The following BRD10 variants were observed in gnomAD, a reference collection of about 807,000 sequenced individuals.
BRD10 encodes the protein uncharacterized bromodomain-containing protein 10.
chr9:5,935,591 A>C, the BRD10 span, among the ~76,000 whole-genome samples: 1 of 152,234 alleles, frequency 6.6e-6, no homozygotes. Context: ...CAACAAACTG[A>C]TGATATTTTA....
the BRD10 span, among the ~76,000 whole-genome samples, chr9:5,940,954 GT>G: frequency 2.0e-5 from 3 of 152,058 alleles, no homozygotes; most frequent in East Asian, 3.9e-4. Flanking sequence ...CCCAGAAGAG[GT>G]TTTTTTCCTT....
chr9:6,000,671 T>C, the BRD10 span, among the ~76,000 whole-genome samples: 1 of 127,968 alleles, frequency 7.8e-6, no homozygotes, highest in Non-Finnish European at 2.0e-5. Context: ...TTTTAAATAA[T>C]AGTCTGTAAG....
At chr9:5,887,905 T>C in the BRD10 span, among the ~76,000 whole-genome samples, 1 of 152,228 alleles carries the variant, frequency 6.6e-6, no homozygotes, top group African/African-American at 2.4e-5. Flanking sequence ...AGATAGGCTC[T>C]CCCTGGCTTG....
chr9:5,945,120 T>C, the BRD10 span, among the ~76,000 whole-genome samples: 2 of 152,136 alleles, frequency 1.3e-5, no homozygotes, highest in South Asian at 4.1e-4. Flanking sequence ...AAAATATATT[T>C]ACTTGCTATG....
At chr9:5,964,619 C>A in the BRD10 span, among the ~76,000 whole-genome samples, 13 of 140,130 alleles carry the variant, frequency 9.3e-5, no homozygotes, top group Non-Finnish European at 1.7e-4. Context: ...ATGTTTATTG[C>A]GGCATTATTC....
At chr9:5,990,621 A>G in the BRD10 span, among the ~76,000 whole-genome samples, 1 of 152,242 alleles carries the variant, frequency 6.6e-6, no homozygotes, top group Non-Finnish European at 1.5e-5. Flanking sequence ...TACTCATCAG[A>G]AATTAAAATT....
At chr9:5,915,085 T>C in the BRD10 span, among the ~76,000 whole-genome samples, 6 of 152,326 alleles carry the variant, frequency 3.9e-5, no homozygotes, top group Admixed American at 2.6e-4. Context: ...GGTAACACTT[T>C]GTTCATGATA....
the BRD10 span, among the ~76,000 whole-genome samples, chr9:5,923,787 T>G: frequency 6.6e-6 from 1 of 152,222 alleles, no homozygotes; most frequent in South Asian, 2.1e-4. Flanking sequence ...TTCATCCTTA[T>G]AGTGAAAAAA....
At chr9:5,979,682 G>C in the BRD10 span, among the ~76,000 whole-genome samples, 2 of 152,042 alleles carry the variant, frequency 1.3e-5, no homozygotes, top group Non-Finnish European at 2.9e-5. Context: ...TACTTGAGGA[G>C]AACCAATTGC....
the BRD10 span, among the ~76,000 whole-genome samples, chr9:5,956,833 T>C: frequency 1.1e-4 from 16 of 152,270 alleles, no homozygotes; most frequent in East Asian, 3.1e-3. Flanking sequence ...ATCCTTACTA[T>C]ACTGTAAATT....
chr9:5,975,656 A>C, the BRD10 span, among the ~76,000 whole-genome samples: 1 of 152,182 alleles, frequency 6.6e-6, no homozygotes, highest in Admixed American at 6.5e-5. Flanking sequence ...AGAAAAGATT[A>C]GTGAACTTGA....
chr9:5,884,938 C>T, the BRD10 span, among the ~76,000 whole-genome samples: 10 of 152,136 alleles, frequency 6.6e-5, no homozygotes, highest in South Asian at 6.2e-4. Context: ...TAATAGAGCC[C>T]GGGAACTGAT....
the BRD10 span, among the ~76,000 whole-genome samples, chr9:5,885,170 G>A: frequency 6.6e-6 from 1 of 152,100 alleles, no homozygotes; most frequent in East Asian, 1.9e-4. Flanking sequence ...CTCACCATCA[G>A]AACCTCTCTG....
chr9:5,898,534 T>C, the BRD10 span, among the ~76,000 whole-genome samples: 1 of 152,196 alleles, frequency 6.6e-6, no homozygotes, highest in Non-Finnish European at 1.5e-5. Context: ...ATTCAAACTA[T>C]AGCACCTGTC....
At chr9:5,966,099 A>G in the BRD10 span, among the ~76,000 whole-genome samples, 3 of 152,332 alleles carry the variant, frequency 2.0e-5, no homozygotes, top group South Asian at 6.2e-4. Flanking sequence ...ATTTGCTCTG[A>G]GAATAAAATA....
chr9:5,917,095 T>C, the BRD10 span, among the ~76,000 whole-genome samples: 2 of 152,224 alleles, frequency 1.3e-5, no homozygotes, highest in East Asian at 3.8e-4. Flanking sequence ...ACTCAACAAA[T>C]ATACATTGAA....
the BRD10 span, among the ~76,000 whole-genome samples, chr9:5,911,986 ATGTT>A: frequency 6.6e-6 from 1 of 152,198 alleles, no homozygotes; most frequent in Non-Finnish European, 1.5e-5. Context: ...GGTAGCATGG[ATGTT>A]TTAACAATAA....
chr9:5,989,023 G>C, the BRD10 span, among the ~76,000 whole-genome samples: 1 of 151,994 alleles, frequency 6.6e-6, no homozygotes, highest in Non-Finnish European at 1.5e-5. Flanking sequence ...CTGAGGTCAG[G>C]AGTTTGAGAC....
chr9:5,999,433 A>G, the BRD10 span, among the ~76,000 whole-genome samples: 1 of 152,170 alleles, frequency 6.6e-6, no homozygotes, highest in African/African-American at 2.4e-5. Context: ...TTTAACTCGG[A>G]AGTCAAGAAT....
Sources: gnomAD v4.1 joint callset for allele counts (sites outside exome capture counted in the v4.1 genomes callset) on GRCh38, gnomAD v4.1.1 for gene constraint, MANE v1.5 for transcripts, NCBI Gene and HGNC (gene_info 2026-07-23, HGNC 2026-07-21) for gene names.